The following SIPA1L2 variants were observed in gnomAD, a reference collection of about 807,000 sequenced individuals.
SIPA1L2 encodes signal-induced proliferation-associated 1-like protein 2.
Under a neutral mutation model 163.9 loss-of-function variants are expected in SIPA1L2, and 56 were observed. That is an observed-to-expected ratio of 0.34 (90% CI 0.28 to 0.43). SIPA1L2 has a LOEUF of 0.43. Ranked by LOEUF, SIPA1L2 falls within the 20% of genes least tolerant of loss-of-function variation. The probability of loss-of-function intolerance (pLI) is 1.00; values close to 1 mark genes in which losing one functional copy is unlikely to be tolerated. For missense variants in SIPA1L2, 1,974 were observed against 2,193.5 expected, an observed-to-expected ratio of 0.90 and a Z score of 2.00; for synonymous variants, 877 against 865.7, an observed-to-expected ratio of 1.01 and a Z score of -0.23.
chr1:232,434,606 T>C (rs1198033791), intron 15 of SIPA1L2, among the ~76,000 whole-genome samples: 2 of 152,118 alleles, frequency 1.3e-5, no homozygotes. Context: ...GCATGAATAA[T>C]AGGAGCTAAT....
At position 232,598,185 on chromosome 1, in the gene SIPA1L2, T is replaced by C. The variant is rs551723926; in HGVS notation, c.-318-23963A>G. Among the ~76,000 whole-genome samples, 5 of 151,886 alleles carry C rather than the reference T, an allele frequency of 3.3e-5. No individual in the cohort carries two copies. In the East Asian group the frequency reaches 9.7e-4, roughly 29 times the overall value. ...GGGAGGCCAAGACAGGAGGATTGCT[T>C]GAGCCCAGGAGTTTGAGACTAGCCT... On this transcript the variant is annotated intron_variant, in intron 1 of 22. Coordinates refer to ENST00000674635, the MANE Select transcript of SIPA1L2 (RefSeq NM_020808.5).
chr1:232,508,495 C>A (rs1302824922), intron 3 of SIPA1L2, among the ~76,000 whole-genome samples: 1 of 152,184 alleles, frequency 6.6e-6, no homozygotes, highest in Non-Finnish European at 1.5e-5. Context: ...GTGTGCAGTG[C>A]CAAGCAGGTC....
intron 10 of SIPA1L2, among the ~76,000 whole-genome samples, chr1:232,447,546 C>T (rs1663290755): frequency 6.6e-6 from 1 of 152,252 alleles, no homozygotes; most frequent in South Asian, 2.1e-4. Flanking sequence ...GGCTGAACTT[C>T]AGTGGTCCCT....
At chr1:232,601,410 C>G (rs534740858) in intron 1 of SIPA1L2, among the ~76,000 whole-genome samples, 1 of 152,332 alleles carries the variant, frequency 6.6e-6, no homozygotes, top group East Asian at 1.9e-4. Flanking sequence ...CAGCTCCACT[C>G]TCCCTGAAAT....
chr1:232,526,581 G>A (rs1022286681), intron 2 of SIPA1L2, among the ~76,000 whole-genome samples: 6 of 152,140 alleles, frequency 3.9e-5, no homozygotes, highest in Admixed American at 1.3e-4. Flanking sequence ...CCTGCTGCTC[G>A]CCTCCTTCTG....
At chr1:232,449,515 CT>C (rs1663433244) in intron 10 of SIPA1L2, among the ~76,000 whole-genome samples, 1 of 101,098 alleles carries the variant, frequency 9.9e-6, no homozygotes, top group Admixed American at 1.4e-4. Context: ...GAGACTCCGT[CT>C]CAAAAAAAAA....
intron 9 of SIPA1L2, chr1:232,462,438 G>T (rs1403745553): frequency 1.5e-6 from 2 of 1,333,928 alleles, no homozygotes; most frequent in Non-Finnish European, 2.0e-6. Flanking sequence ...GACTGGGGCT[G>T]GTTCATGTAT....
chr1:232,513,781 A>G lies in SIPA1L2; in HGVS notation c.1483+76T>C, dbSNP rs564607917. On this transcript the variant is annotated intron_variant, in intron 3 of 22. Transcript: ENST00000674635. The stretch of plus-strand genomic sequence containing the variant: ...GACACTCTGAGGAAGGTGCTCCAAC[A>G]CAAAGCAAAACATTGTGACTGGTTC... The G allele has an allele frequency of 1.2e-5, 18 of 1,476,366 alleles. No individual in the cohort carries two copies. The African/African-American group carries it at 2.0e-4, about 16-fold the overall frequency. 91.5% of individuals were successfully genotyped at this position (1,476,366 alleles called of 1,614,324 possible). A position where few individuals can be genotyped will look rare whatever the true frequency, so the allele number is the denominator to read the frequency against.
At chr1:232,469,298 C>A (rs190162916) in intron 8 of SIPA1L2, among the ~76,000 whole-genome samples, 1 of 152,312 alleles carries the variant, frequency 6.6e-6, no homozygotes, top group Non-Finnish European at 1.5e-5. Flanking sequence ...TAGAGCTGGA[C>A]TATACCATTT....
chr1:232,403,594 CAGAA>C, intron 20 of SIPA1L2, 23 bp from the exon 21 acceptor site: 1 of 1,602,344 alleles, frequency 6.2e-7, no homozygotes, highest in Non-Finnish European at 8.5e-7. Flanking sequence ...GAAACACACA[CAGAA>C]AGAAGGGTTA....
chr1:232,531,344 T>C (rs1656923379), intron 2 of SIPA1L2, among the ~76,000 whole-genome samples: 1 of 152,168 alleles, frequency 6.6e-6, no homozygotes, highest in Non-Finnish European at 1.5e-5. Context: ...CCCTGCAATG[T>C]CTTTTCCATC....
At chr1:232,410,971 A>T (rs1221655475) in intron 19 of SIPA1L2, among the ~76,000 whole-genome samples, 1 of 152,152 alleles carries the variant, frequency 6.6e-6, no homozygotes, top group South Asian at 2.1e-4. Context: ...AAATTAAGTG[A>T]TCAAGTGCAT....
rs754907321 is a variant in SIPA1L2, at chr1:232,402,490, G to A, written c.4941-17C>T. The A allele has an allele frequency of 6.2e-5, 99 of 1,600,982 alleles. No homozygotes were observed. The highest frequency in any genetic ancestry group is 8.2e-5 in the Non-Finnish European group (96 of 1,174,164). On this transcript the variant is annotated splice_polypyrimidine_tract_variant and intron_variant, in intron 21 of 22. Coordinates refer to ENST00000674635, the MANE Select transcript of SIPA1L2 (RefSeq NM_020808.5). ...GAACGCTCCCTAGCAAATAAGGATA[G>A]AATTAGAAAGATTCAAGAGAGTCAA...
intron 15 of SIPA1L2, among the ~76,000 whole-genome samples, chr1:232,433,396 A>T (rs1476702622): frequency 6.6e-6 from 1 of 152,216 alleles, no homozygotes; most frequent in Non-Finnish European, 1.5e-5. Context: ...TTATCACAAA[A>T]GCCAGGTTAG....
chr1:232,508,366 G>C (rs1383594532), intron 3 of SIPA1L2, among the ~76,000 whole-genome samples: 1 of 152,206 alleles, frequency 6.6e-6, no homozygotes, highest in African/African-American at 2.4e-5. Context: ...AACCCACTAG[G>C]TGCACAACTT....
chr1:232,404,324 C>A (rs1175403835), intron 19 of SIPA1L2, 146 bp from the exon 20 acceptor site: 2 of 662,562 alleles, frequency 3.0e-6, no homozygotes, highest in Non-Finnish European at 5.3e-6. Context: ...TCATGTAACT[C>A]CAATGCAATG....
At chr1:232,571,420 T>C (rs1374375498) in intron 2 of SIPA1L2, among the ~76,000 whole-genome samples, 1 of 152,234 alleles carries the variant, frequency 6.6e-6, no homozygotes, top group African/African-American at 2.4e-5. Context: ...TTGACAGTGA[T>C]TGCCTTTGGG....
At chr1:232,525,233 CTTTT>C (rs11389753) in intron 2 of SIPA1L2, among the ~76,000 whole-genome samples, 1 of 102,940 alleles carries the variant, frequency 9.7e-6, no homozygotes, top group African/African-American at 3.9e-5. Flanking sequence ...ATAATAATAG[CTTTT>C]TTTTTTTTTT....
At chr1:232,403,101 G>C (rs1037516336) in intron 21 of SIPA1L2, among the ~76,000 whole-genome samples, 1 of 152,240 alleles carries the variant, frequency 6.6e-6, no homozygotes, top group Non-Finnish European at 1.5e-5. Flanking sequence ...CAATCGGCGA[G>C]TTATCCCTGC....
Sources: allele counts gnomAD v4.1 joint callset (sites outside exome capture counted in the v4.1 genomes callset), GRCh38; gene constraint gnomAD v4.1.1; transcripts MANE v1.5; gene names NCBI Gene and HGNC (gene_info 2026-07-23, HGNC 2026-07-21).